The following EGFR variants were observed in gnomAD, a reference collection of about 807,000 sequenced individuals.
EGFR encodes epidermal growth factor receptor, also known as avian erythroblastic leukemia viral (v-erb-b) oncogene homolog.
EGFR carries 58 observed loss-of-function variants against 143.0 expected under a neutral mutation model. The observed-to-expected ratio is 0.41, with a 90% CI of 0.33 to 0.50. The LOEUF is 0.50. Ranked by LOEUF, EGFR falls within the 20% of genes least tolerant of loss-of-function variation. EGFR has a pLI of 0.39. For synonymous variants in EGFR, 613 were observed against 594.4 expected, an observed-to-expected ratio of 1.03 and a Z score of -0.45; for missense variants, 1,307 against 1,579.0, an observed-to-expected ratio of 0.83 and a Z score of 2.92.
chr7:55,200,667 G>C (rs535186723), intron 24 of EGFR: 2 of 569,534 alleles, frequency 3.5e-6, no homozygotes, highest in East Asian at 3.0e-5. Context: ...CTCACTGTCC[G>C]GCTAGCCAAA....
chr7:55,173,049 G>A lies in EGFR; in HGVS notation c.1986G>A (p.Leu662=), dbSNP rs377187758. 6.2e-7 allele frequency: 1 copy of A among 1,613,870 alleles called. No homozygotes were observed. The highest frequency in any genetic ancestry group is 8.5e-7 in the Non-Finnish European group (1 of 1,180,030). ...GALLLLLVVA[L]GIGLFMRRRH... ...TCCTCTTGCTGCTGGTGGTGGCCCTGGGGATCGGCCTCTTCATGCGAAGGC... is the reference window on the plus strand; with the variant it reads ...TCCTCTTGCTGCTGGTGGTGGCCCTAGGGATCGGCCTCTTCATGCGAAGGC... The change falls in exon 17 of 28, where the codon CTG becomes CTA. Residue 662 remains leucine, a synonymous_variant. Coordinates refer to ENST00000275493, the MANE Select transcript of EGFR (RefSeq NM_005228.5).
chr7:55,153,799 G>C (rs774567921), intron 6 of EGFR, among the ~76,000 whole-genome samples: 1 of 152,168 alleles, frequency 6.6e-6, no homozygotes, highest in African/African-American at 2.4e-5. Flanking sequence ...AGGTGGGACA[G>C]TGCACCTAAG....
intron 1 of EGFR, among the ~76,000 whole-genome samples, chr7:55,121,237 A>C (rs765358239): frequency 3.3e-5 from 5 of 152,218 alleles, no homozygotes; most frequent in Non-Finnish European, 7.3e-5. Flanking sequence ...TTGAGGGATA[A>C]AACTCTGATA....
intron 1 of EGFR, among the ~76,000 whole-genome samples, chr7:55,106,746 T>C (rs891365454): frequency 1.8e-4 from 27 of 152,326 alleles, no homozygotes; most frequent in Admixed American, 3.3e-4. Context: ...ATTATCAACA[T>C]TTATCCTTAA....
intron 1 of EGFR, among the ~76,000 whole-genome samples, chr7:55,073,542 C>T (rs1278319104): frequency 1.3e-5 from 2 of 152,112 alleles, no homozygotes; most frequent in Non-Finnish European, 2.9e-5. Flanking sequence ...TGTATATGGC[C>T]CATAGGGAAA....
Position 55,160,173 on chromosome 7 carries a change from A to G in EGFR, c.1333A>G (p.Ile445Val), listed in dbSNP as rs372990493. 12 of 1,614,098 alleles carry G rather than the reference A, an allele frequency of 7.4e-6. No individual in the cohort carries two copies. Among genetic ancestry groups the G allele is most frequent in the African/African-American group, 1.3e-5 (1 of 74,956 alleles). Residue 445 changes from isoleucine (I) to valine (V), a missense_variant, in exon 12 of 28, where the codon ATA becomes GTA. Around this residue, in one of 7 missense-constraint regions of EGFR, gnomAD observed 250 missense variants for 295.1 expected, o/e 0.85. Coordinates refer to ENST00000275493, the MANE Select transcript of EGFR (RefSeq NM_005228.5). ...QFSLAVVSLN[I>V]TSLGLRSLKE... ...TTCTCTTGCAGTCGTCAGCCTGAAC[A>G]TAACATCCTTGGGATTACGCTCCCT...
At chr7:55,196,093 T>C (rs1787600411) in intron 22 of EGFR, among the ~76,000 whole-genome samples, 2 of 151,844 alleles carry the variant, frequency 1.3e-5, no homozygotes, top group African/African-American at 2.4e-5. Context: ...CACACTCTTT[T>C]CCACAATAAT....
intron 1 of EGFR, among the ~76,000 whole-genome samples, chr7:55,127,108 G>A (rs1287165229): frequency 2.0e-5 from 3 of 152,194 alleles, no homozygotes; most frequent in Admixed American, 6.5e-5. Flanking sequence ...TCCCAATGGT[G>A]ATGTGACATT....
intron 4 of EGFR, among the ~76,000 whole-genome samples, chr7:55,149,616 T>C (rs1288982457): frequency 6.6e-6 from 1 of 152,210 alleles, no homozygotes; most frequent in Non-Finnish European, 1.5e-5. Flanking sequence ...GCCTGCAATA[T>C]GTATCTAAAG....
chr7:55,163,871 T>G, intron 14 of EGFR, 48 bp downstream of exon 14: 1 of 1,601,782 alleles, frequency 6.2e-7, no homozygotes, highest in Non-Finnish European at 8.6e-7. Context: ...GGAAGGGCCT[T>G]CACAGAAGCC....
intron 20 of EGFR, among the ~76,000 whole-genome samples, chr7:55,185,196 A>G (rs1787077359): frequency 6.6e-6 from 1 of 152,208 alleles, no homozygotes; most frequent in Non-Finnish European, 1.5e-5. Context: ...TCCATATGAG[A>G]CCAGTAGACC....
chr7:55,163,762 A>G lies in EGFR; in HGVS notation c.1661A>G (p.Glu554Gly), dbSNP rs779741928. 21 of 1,614,216 alleles carry G rather than the reference A, an allele frequency of 1.3e-5. No individual in the cohort carries two copies. The highest frequency in any genetic ancestry group is 1.6e-5 in the Non-Finnish European group (19 of 1,180,030). ...CCAAGGGAGTTTGTGGAGAACTCTG[A>G]GTGCATACAGTGCCACCCAGAGTGC... Reference protein sequence around the residue: ...GEPREFVENSECIQCHPECLP... With the variant: ...GEPREFVENSGCIQCHPECLP... The change falls in exon 14 of 28, where the codon GAG becomes GGG. Residue 554 changes from glutamate (E) to glycine (G), a missense_variant. Transcript: ENST00000275493.
intron 27 of EGFR, among the ~76,000 whole-genome samples, chr7:55,204,448 T>C (rs1788014999): frequency 7.5e-6 from 1 of 132,950 alleles, no homozygotes; most frequent in Non-Finnish European, 1.6e-5. Flanking sequence ...ACACACCACA[T>C]ATACACACAA....
rs1786360549 is a variant in EGFR, at chr7:55,019,226, C to A, written c.-52C>A. ...ACAACCACCGCGCACGGCCCCCTGA[C>A]TCCGTCCAGTATTGATCGGGAGAGC... On this transcript the variant is annotated 5_prime_UTR_variant, in exon 1 of 28. Transcript: ENST00000275493. The A allele has an allele frequency of 5.8e-6, 8 of 1,386,906 alleles. No individual in the cohort carries two copies. The highest frequency in any genetic ancestry group is 4.7e-5 in the Admixed American group (2 of 42,806). 85.9% of individuals were successfully genotyped at this position (1,386,906 alleles called of 1,614,324 possible).
At chr7:55,040,081 G>T (rs1288477022) in intron 1 of EGFR, among the ~76,000 whole-genome samples, 1 of 152,134 alleles carries the variant, frequency 6.6e-6, no homozygotes, top group Non-Finnish European at 1.5e-5. Flanking sequence ...CTTTGCTGTG[G>T]ATTAGGATCA....
At position 55,170,649 on chromosome 7, in the gene EGFR, C is replaced by T. The variant is rs936176969; in HGVS notation, c.1881-526C>T. 5 of 1,598,096 alleles carry T rather than the reference C, an allele frequency of 3.1e-6. No homozygotes were observed. The South Asian group carries it at 3.3e-5, about 11-fold the overall frequency. The stretch of plus-strand genomic sequence containing the variant: ...TATCCTACCCATTTCCTTCCTTCCA[C>T]TCCCTTTGCCAGTGCCTCTCACCCC... On this transcript the variant is annotated intron_variant, in intron 15 of 27. Coordinates refer to ENST00000275493, the MANE Select transcript of EGFR (RefSeq NM_005228.5).
chr7:55,204,738 A>C (rs1310238638), intron 27 of EGFR, among the ~76,000 whole-genome samples: 1 of 144,060 alleles, frequency 6.9e-6, no homozygotes, highest in Non-Finnish European at 1.5e-5. Flanking sequence ...CACACACACA[A>C]CTCATACCAC....
chr7:55,046,178 C>T (rs1034320570), intron 1 of EGFR, among the ~76,000 whole-genome samples: 1 of 152,092 alleles, frequency 6.6e-6, no homozygotes, highest in Non-Finnish European at 1.5e-5. Context: ...AGAAACATGT[C>T]GCATGCTCTT....
rs190209443 is a variant in EGFR, at chr7:55,178,271, A to G, written c.2284-3022A>G. Among the ~76,000 whole-genome samples, 141 of 152,280 alleles carry G rather than the reference A, an allele frequency of 9.3e-4. 1 individual carries two copies. Among genetic ancestry groups the G allele is most frequent in the African/African-American group, 2.7e-3 (111 of 41,552 alleles). ...CAGCTTCCCAGACTCCGGGGGAGAG[A>G]TGTGATTTGTGCTTTCTGGCAATCC... On this transcript the variant is annotated intron_variant, in intron 19 of 27. Coordinates refer to ENST00000275493, the MANE Select transcript of EGFR (RefSeq NM_005228.5).
Sources: allele counts gnomAD v4.1 joint callset (sites outside exome capture counted in the v4.1 genomes callset), GRCh38; gene constraint gnomAD v4.1.1; regional missense constraint gnomAD v4.1.1; transcripts MANE v1.5; gene names NCBI Gene and HGNC (gene_info 2026-07-23, HGNC 2026-07-21).